Variants in MCF2 observed in about 807,000 individuals in gnomAD.
MCF2 encodes the protein proto-oncogene DBL.
Under a neutral mutation model 82.5 loss-of-function variants are expected in MCF2, and 44 were observed. The ratio of observed to expected loss-of-function variants is 0.53; its 90% CI spans 0.42 to 0.69. The LOEUF (loss-of-function observed/expected upper bound fraction) is 0.69. Among genes scored for constraint, MCF2 ranks in the 30% least tolerant of loss-of-function variants. The pLI, the probability that MCF2 is intolerant of heterozygous loss-of-function variation, is 0.00. For synonymous variants in MCF2, 217 were observed against 224.9 expected (o/e 0.96, Z 0.32); for missense variants, 623 against 663.1 (o/e 0.94, Z 0.66).
intron 4 of MCF2, among the ~76,000 whole-genome samples, chrX:139,628,178 C>T (rs1314900242): frequency 4.5e-5 from 5 of 111,619 alleles, no homozygotes; most frequent in Admixed American, 2.9e-4. Context: ...TGCACTCATA[C>T]GTCATTGCAG....
intron 19 of MCF2, among the ~76,000 whole-genome samples, chrX:139,592,042 CATG>C (rs1325089743): frequency 9.0e-6 from 1 of 110,956 alleles, no homozygotes; most frequent in African/African-American, 3.3e-5. Context: ...GCTGGAATCT[CATG>C]ATAAGCAGGC....
chrX:139,596,694 G>A (rs1243749919), exon 19 of MCF2: 1 of 1,209,671 alleles, frequency 8.3e-7, no homozygotes, highest in Admixed American at 2.2e-5. Flanking sequence ...CTTCATTTTT[G>A]TAGCACCTTT....
intron 10 of MCF2, among the ~76,000 whole-genome samples, chrX:139,613,869 A>G (rs1931685256): frequency 9.0e-6 from 1 of 111,297 alleles, no homozygotes; most frequent in African/African-American, 3.3e-5. Flanking sequence ...TATATATTTC[A>G]TAAGTATTAA....
intron 1 of MCF2, among the ~76,000 whole-genome samples, chrX:139,633,213 C>T: frequency 9.0e-6 from 1 of 111,333 alleles, no homozygotes; most frequent in Non-Finnish European, 1.9e-5. Context: ...TCCCCAGCGT[C>T]TAGAACTTGC....
At chrX:139,687,677 T>G (rs1382111763) in intron 1 of MCF2, among the ~76,000 whole-genome samples, 4 of 112,699 alleles carry the variant, frequency 3.5e-5, no homozygotes, top group Admixed American at 9.4e-5. Context: ...TGCTGATAGA[T>G]TCTGAACACA....
intron 24 of MCF2, among the ~76,000 whole-genome samples, chrX:139,583,531 T>C (rs1282266879): frequency 9.0e-6 from 1 of 111,024 alleles, no homozygotes; most frequent in Non-Finnish European, 1.9e-5. Context: ...TTCTCACTTA[T>C]AAGTGGGGGC....
At chrX:139,679,786 G>A (rs1215848189) in intron 1 of MCF2, among the ~76,000 whole-genome samples, 1 of 110,647 alleles carries the variant, frequency 9.0e-6, no homozygotes, top group Non-Finnish European at 1.9e-5. Context: ...ATAATATTGA[G>A]TCAGGACCTG....
chrX:139,671,287 T>C (rs1847228524), intron 1 of MCF2, among the ~76,000 whole-genome samples: 1 of 112,248 alleles, frequency 8.9e-6, no homozygotes, highest in South Asian at 3.7e-4. Flanking sequence ...GATGGTAGTT[T>C]CTTCTGCTGT....
chrX:139,677,757 C>A (rs754586117), intron 1 of MCF2, among the ~76,000 whole-genome samples: 1 of 111,981 alleles, frequency 8.9e-6, no homozygotes, highest in Non-Finnish European at 1.9e-5. Context: ...AAACATTGAA[C>A]GTCTAAGTTT....
At chrX:139,594,752 T>A (rs1183296645) in intron 19 of MCF2, among the ~76,000 whole-genome samples, 4 of 109,223 alleles carry the variant, frequency 3.7e-5, no homozygotes, top group African/African-American at 1.3e-4. Flanking sequence ...AAAGAGCTTC[T>A]GCACAGCAAA....
At position 139,663,833 on chromosome X, in the gene MCF2, G is replaced by T. The variant is rs192209903; in HGVS notation, c.-44-12045C>A. On this transcript the variant is annotated intron_variant, in intron 1 of 27. Coordinates refer to the MCF2 transcript ENST00000414978. ...TAGATCTAGTAATATTGGCTTTATG[G>T]TCCTGGGTGCTTTAGTGTTGGGTAA... 3.7e-3 allele frequency among the ~76,000 whole-genome samples: 409 copies of T among 110,215 alleles called. 4 individuals are homozygous for T. Among genetic ancestry groups the T allele is most frequent in the Admixed American group, 7.1e-3 (73 of 10,279 alleles).
intron 1 of MCF2, among the ~76,000 whole-genome samples, chrX:139,668,006 C>T (rs2148547904): frequency 8.9e-6 from 1 of 111,900 alleles, no homozygotes; most frequent in South Asian, 3.8e-4. Flanking sequence ...GTGCCTCAGC[C>T]CCAGCTGTAG....
intron 1 of MCF2, among the ~76,000 whole-genome samples, chrX:139,660,531 C>T (rs777373798): frequency 4.5e-5 from 5 of 111,861 alleles, no homozygotes; most frequent in East Asian, 2.8e-4. Flanking sequence ...ATCTGAACAT[C>T]GATACTCTAT....
chrX:139,630,607 T>G (rs1476113608), intron 3 of MCF2, among the ~76,000 whole-genome samples: 2 of 112,384 alleles, frequency 1.8e-5, no homozygotes, highest in Admixed American at 1.9e-4. Context: ...ATGAATGAAT[T>G]GTTGAATGAA....
intron 4 of MCF2, among the ~76,000 whole-genome samples, chrX:139,627,622 T>A (rs1458838949): frequency 1.8e-5 from 2 of 111,639 alleles, no homozygotes; most frequent in African/African-American, 6.5e-5. Flanking sequence ...CCATCACCAA[T>A]ATGGGTAATA....
intron 20 of MCF2, 23 bp downstream of exon 24, chrX:139,589,812 A>G (rs759924260): frequency 9.2e-7 from 1 of 1,084,097 alleles, no homozygotes; most frequent in Non-Finnish European, 1.3e-6. Flanking sequence ...TTGGGTTTCT[A>G]GAAGAATTTT....
Position 139,625,842 on chromosome X carries a change from A to G in MCF2, c.687+351T>C, listed in dbSNP as rs1932735929. Among the ~76,000 whole-genome samples, 3 of 112,001 alleles carry G rather than the reference A, an allele frequency of 2.7e-5. No individual in the cohort carries two copies. In the Admixed American group the frequency reaches 2.9e-4, roughly 11 times the overall value. Reference sequence around the variant, plus strand: ...CATAGGTACATGGGATTTAAAAACCAAGAAGGAAGTTGGTATTATTCCCTT... The same window carrying G: ...CATAGGTACATGGGATTTAAAAACCGAGAAGGAAGTTGGTATTATTCCCTT... On this transcript the variant is annotated intron_variant, in intron 6 of 24. Coordinates refer to ENST00000370576, the Ensembl canonical transcript of MCF2.
At chrX:139,610,246 C>T in intron 11 of MCF2, 55 bp downstream of exon 15, 1 of 795,606 alleles carries the variant, frequency 1.3e-6, no homozygotes, top group Admixed American at 2.6e-5. Flanking sequence ...AAGGCTCATA[C>T]CAACTCTGCA....
At chrX:139,613,443 T>C (rs1680912386) in intron 10 of MCF2, among the ~76,000 whole-genome samples, 180 bp from the exon 14 acceptor site, 3 of 112,172 alleles carry the variant, frequency 2.7e-5, no homozygotes, top group South Asian at 7.4e-4. Context: ...GTTGAGATTT[T>C]AGAGGACAAT....
Sources: allele counts gnomAD v4.1 joint callset (sites outside exome capture counted in the v4.1 genomes callset), GRCh38; gene constraint gnomAD v4.1.1; transcripts MANE v1.5; gene names NCBI Gene and HGNC (gene_info 2026-07-23, HGNC 2026-07-21).